The following UBR3 variants were observed in gnomAD, a reference collection of about 807,000 sequenced individuals.
UBR3 encodes the protein ubiquitin protein ligase E3 component n-recognin 3.
Under a neutral mutation model 243.2 loss-of-function variants are expected in UBR3, and 85 were observed. The ratio of observed to expected loss-of-function variants is 0.35; its 90% CI spans 0.29 to 0.42. UBR3 has a LOEUF of 0.42. UBR3 is among the 10% of genes least tolerant of loss of function. The pLI, the probability that UBR3 is intolerant of heterozygous loss-of-function variation, is 1.00. For missense variants in UBR3, 1,686 were observed against 2,300.8 expected, an observed-to-expected ratio of 0.73 and a Z score of 5.47; for synonymous variants, 748 against 799.8, an observed-to-expected ratio of 0.94 and a Z score of 1.09.
intron 24 of UBR3, among the ~76,000 whole-genome samples, chr2:169,968,750 TC>T (rs984205116): frequency 1.9e-4 from 29 of 152,228 alleles, no homozygotes; most frequent in African/African-American, 7.0e-4. Flanking sequence ...TTTTTACTTT[TC>T]TGAGGAACCT....
chr2:170,049,276 AAG>A (rs1443045442), intron 32 of UBR3, among the ~76,000 whole-genome samples: 1 of 152,246 alleles, frequency 6.6e-6, no homozygotes, highest in East Asian at 1.9e-4. Context: ...AGAAAATTAT[AAG>A]AGAGAAAATA....
intron 1 of UBR3, among the ~76,000 whole-genome samples, chr2:169,857,178 A>T (rs1168486789): frequency 7.7e-6 from 1 of 129,046 alleles, no homozygotes; most frequent in Non-Finnish European, 1.6e-5. Flanking sequence ...GGTTTGAGTG[A>T]TTCTTGTGCC....
At chr2:169,936,723 C>A (rs1457938080) in intron 19 of UBR3, among the ~76,000 whole-genome samples, 1 of 151,994 alleles carries the variant, frequency 6.6e-6, no homozygotes, top group Non-Finnish European at 1.5e-5. Context: ...TTCCTGTGTC[C>A]AAGTGTTTTC....
Position 170,006,476 on chromosome 2 carries a change from C to T in UBR3, c.4030-514C>T, listed in dbSNP as rs190557488. ...GATGCAAGATATAATGAAATGAGCA[C>T]TAACTCAGTTGTCCAATCAGTTGTA... is the stretch of plus-strand genomic sequence containing the variant. On this transcript the variant is annotated intron_variant, in intron 27 of 38. Coordinates refer to ENST00000272793, the MANE Select transcript of UBR3 (RefSeq NM_172070.4). Among the ~76,000 whole-genome samples the T allele has an allele frequency of 2.8e-3, 429 of 152,290 alleles. 8 individuals carry two copies. The highest frequency in any genetic ancestry group is 9.6e-4 in the Non-Finnish European group (65 of 68,016).
At chr2:169,981,313 G>A (rs146923119) in intron 24 of UBR3, among the ~76,000 whole-genome samples, 60 of 152,206 alleles carry the variant, frequency 3.9e-4, no homozygotes, top group African/African-American at 1.4e-3. Context: ...TTAACCAGGT[G>A]ATCAAGGTCA....
In UBR3 at chr2:170,013,939, C is replaced by G. The variant is rs1023838045; in HGVS notation, c.4368-1342C>G. The G allele has an allele frequency of 6.2e-5, 29 of 469,136 alleles. No individual in the cohort carries two copies. In the Admixed American group the frequency reaches 6.8e-4, roughly 11 times the overall value. 29.1% of individuals were successfully genotyped at this position (469,136 alleles called of 1,614,324 possible). On this transcript the variant is annotated intron_variant, in intron 29 of 38. Transcript: ENST00000272793. The stretch of plus-strand genomic sequence containing the variant: ...CTGGTCTCCGCTCGCTTTCTGTCCA[C>G]TAGTATGAAATCCTTGTCCCTGCTT...
intron 24 of UBR3, among the ~76,000 whole-genome samples, chr2:169,977,259 G>A (rs374144881): frequency 2.0e-5 from 3 of 151,974 alleles, no homozygotes; most frequent in African/African-American, 4.8e-5. Flanking sequence ...AGAGAGATAC[G>A]AAGTTCAAAA....
rs2084533654 is a variant in UBR3, at chr2:169,895,173, A to T, written c.1106-8A>T. ...CATTAACTGATAAATTTCATTTTTC[A>T]TGTGCAGATCAATCCATAATGGATG... On this transcript the variant is annotated splice_polypyrimidine_tract_variant and splice_region_variant and intron_variant, in intron 6 of 38. Transcript: ENST00000272793. 1 of 1,496,802 alleles carries T rather than the reference A, an allele frequency of 6.7e-7. No individual in the cohort carries two copies. The highest frequency in any genetic ancestry group is 8.9e-7 in the Non-Finnish European group (1 of 1,128,622). 92.7% of individuals were successfully genotyped at this position (1,496,802 alleles called of 1,614,324 possible). A position where few individuals can be genotyped will look rare whatever the true frequency, so the allele number is the denominator to read the frequency against.
chr2:169,889,372 A>G (rs544562326), intron 5 of UBR3, among the ~76,000 whole-genome samples: 3 of 152,296 alleles, frequency 2.0e-5, no homozygotes, highest in East Asian at 1.9e-4. Context: ...GGAAGTTTAT[A>G]TTTGAAATTA....
At chr2:169,869,883 TGA>T (rs538766075) in intron 1 of UBR3, among the ~76,000 whole-genome samples, 19 of 152,332 alleles carry the variant, frequency 1.2e-4, no homozygotes, top group African/African-American at 3.8e-4. Flanking sequence ...TATCCATTTT[TGA>T]GAGTTTGTAA....
At chr2:169,920,106 T>A (rs923512808) in intron 11 of UBR3, among the ~76,000 whole-genome samples, 1 of 152,182 alleles carries the variant, frequency 6.6e-6, no homozygotes. Flanking sequence ...GTGGCAGATA[T>A]ACGCCATGGA....
chr2:169,827,774 G>C lies in UBR3; in HGVS notation c.267G>C (p.Glu89Asp). The C allele has an allele frequency of 7.2e-7, 1 of 1,382,390 alleles. No homozygotes were observed. The allele number at this position is 1,382,390 out of a possible 1,614,324, so 85.6% of individuals were successfully genotyped here. Reference sequence around the variant, plus strand: ...GCGGTCCGGGGGCGGCCGAGGAGGAGGCCCTGGAGTGGTGTAAGTGCCTTC... The same window carrying C: ...GCGGTCCGGGGGCGGCCGAGGAGGACGCCCTGGAGTGGTGTAAGTGCCTTC... ...GGGGPGAAEEEALEWCKCLLA... is the reference protein window; with the variant it reads ...GGGGPGAAEEDALEWCKCLLA... Residue 89 changes from glutamate to aspartate, a missense_variant, in exon 1 of 39, where the codon GAG becomes GAC. Physicochemically the swap from Glu to Asp is conservative, Grantham distance 45. This residue lies in a region of UBR3 where 145 missense variants were observed against 243.8 expected (regional missense o/e 0.59). Coordinates refer to ENST00000272793, the MANE Select transcript of UBR3 (RefSeq NM_172070.4).
intron 35 of UBR3, among the ~76,000 whole-genome samples, chr2:170,070,391 T>C (rs1342652647): frequency 1.3e-5 from 2 of 152,138 alleles, no homozygotes; most frequent in African/African-American, 4.8e-5. Flanking sequence ...TTAGCTAACA[T>C]CATGCTTAAT....
At chr2:169,881,963 CAT>C (rs1315207789) in intron 5 of UBR3, among the ~76,000 whole-genome samples, 5,364 of 104,728 alleles carry the variant, frequency 0.051, 140 homozygotes, top group Middle Eastern at 0.096. Context: ...TGTATACATA[CAT>C]ATGTAATTAT....
chr2:170,021,858 C>G (rs765904082), intron 30 of UBR3, among the ~76,000 whole-genome samples: 2 of 152,040 alleles, frequency 1.3e-5, no homozygotes, highest in Non-Finnish European at 2.9e-5. Context: ...AGTAGCCAGG[C>G]CTTTCTGTAT....
At chr2:170,066,317 C>G (rs1037507534) in intron 35 of UBR3, among the ~76,000 whole-genome samples, 4 of 152,146 alleles carry the variant, frequency 2.6e-5, no homozygotes, top group African/African-American at 9.7e-5. Context: ...ATGATAGTAA[C>G]CTATATAGTT....
intron 11 of UBR3, among the ~76,000 whole-genome samples, chr2:169,922,599 C>T (rs369340348): frequency 4.6e-5 from 7 of 152,148 alleles, no homozygotes; most frequent in African/African-American, 1.7e-4. Flanking sequence ...ATAGCTACTC[C>T]CCATTTCCTC....
intron 23 of UBR3, among the ~76,000 whole-genome samples, chr2:169,953,943 G>A (rs1429486076): frequency 1.3e-5 from 2 of 152,210 alleles, no homozygotes; most frequent in African/African-American, 4.8e-5. Flanking sequence ...TGAGCATCTA[G>A]AGCACATTTT....
intron 32 of UBR3, among the ~76,000 whole-genome samples, chr2:170,045,745 C>T (rs921150492): frequency 2.0e-5 from 3 of 152,148 alleles, no homozygotes; most frequent in African/African-American, 7.2e-5. Context: ...TTCATTTATA[C>T]CCTCACTTAT....
Sources: allele counts gnomAD v4.1 joint callset (sites outside exome capture counted in the v4.1 genomes callset), GRCh38; gene constraint gnomAD v4.1.1; regional missense constraint gnomAD v4.1.1; transcripts MANE v1.5; gene names NCBI Gene and HGNC (gene_info 2026-07-23, HGNC 2026-07-21).